The following SPAG6 variants were observed in gnomAD, a reference collection of about 807,000 sequenced individuals.
SPAG6 encodes sperm associated antigen 6, also known as sperm-associated antigen 6.
Under a neutral mutation model 58.5 loss-of-function variants are expected in SPAG6, and 49 were observed. The observed-to-expected ratio is 0.84, with a 90% CI of 0.67 to 1.06. SPAG6 has a LOEUF of 1.06. Among genes scored for constraint, SPAG6 ranks in the 50% least tolerant of loss-of-function variants. SPAG6 has a pLI of 0.00. For synonymous variants in SPAG6, 233 were observed against 225.6 expected (o/e 1.03, Z -0.29); for missense variants, 560 against 611.3 (o/e 0.92, Z 0.89).
At position 22,387,948 on chromosome 10, in the gene SPAG6, G is replaced by A; in HGVS notation, c.804G>A (p.Lys268=). 1 of 1,611,758 alleles carries A rather than the reference G, an allele frequency of 6.2e-7. No homozygotes were observed. Among genetic ancestry groups the A allele is most frequent in the Admixed American group, 1.7e-5 (1 of 59,668 alleles). ...TCLKDKDEYV[K]KNASTLIREI... is the part of the protein sequence containing the mutation. ...TGAAGGACAAGGATGAATACGTGAA[G>A]AAAAATGCTTCTACTTTAATTAGAG... Residue 268 remains lysine (K), a synonymous_variant, in exon 6 of 11, where the codon AAG becomes AAA. Transcript: ENST00000376624.
chr10:22,359,601 A>G (rs868136800), intron 2 of SPAG6, among the ~76,000 whole-genome samples: 2 of 152,152 alleles, frequency 1.3e-5, no homozygotes, highest in Admixed American at 6.5e-5. Context: ...AGTTCTGGAC[A>G]TGGATAGTGG....
chr10:22,411,984 T>G (rs1048100100), intron 10 of SPAG6, among the ~76,000 whole-genome samples: 33 of 151,700 alleles, frequency 2.2e-4, no homozygotes, highest in Admixed American at 1.4e-3. Flanking sequence ...GAGTAGCTGG[T>G]ACTACAGACG....
At chr10:22,365,448 AG>A (rs1837170260) in intron 3 of SPAG6, among the ~76,000 whole-genome samples, 1 of 152,196 alleles carries the variant, frequency 6.6e-6, no homozygotes, top group Non-Finnish European at 1.5e-5. Context: ...GAAGAGAATA[AG>A]TATGTGTAAT....
chr10:22,387,187 T>C (rs1834085238), intron 5 of SPAG6, among the ~76,000 whole-genome samples: 1 of 152,196 alleles, frequency 6.6e-6, no homozygotes, highest in African/African-American at 2.4e-5. Context: ...AACAACAGTG[T>C]TAACATTAAT....
intron 5 of SPAG6, 29 bp downstream of exon 5, chr10:22,386,988 T>C (rs1346251515): frequency 2.0e-6 from 3 of 1,535,942 alleles, no homozygotes; most frequent in East Asian, 2.2e-5. Flanking sequence ...GAAAAATACA[T>C]CAGCCTTCTT....
intron 8 of SPAG6, among the ~76,000 whole-genome samples, chr10:22,395,113 G>A (rs909682794): frequency 2.6e-5 from 4 of 152,128 alleles, no homozygotes; most frequent in African/African-American, 9.7e-5. Context: ...ATATTCTATT[G>A]TATTAATATG....
intron 2 of SPAG6, among the ~76,000 whole-genome samples, chr10:22,358,182 C>G (rs768576562): frequency 1.3e-5 from 2 of 152,144 alleles, no homozygotes; most frequent in African/African-American, 4.8e-5. Flanking sequence ...AATGGTTGAA[C>G]TAGTTTACAG....
intron 4 of SPAG6, among the ~76,000 whole-genome samples, chr10:22,381,333 A>T (rs1038275610): frequency 6.9e-6 from 1 of 145,762 alleles, no homozygotes; most frequent in African/African-American, 2.5e-5. Context: ...CAGTGTTCTT[A>T]AAAAAAAAAA....
At chr10:22,395,299 T>TTTAA (rs1381637998) in intron 8 of SPAG6, among the ~76,000 whole-genome samples, 2 of 152,210 alleles carry the variant, frequency 1.3e-5, no homozygotes, top group Non-Finnish European at 2.9e-5. Flanking sequence ...GATAACTCTG[T>TTTAA]TTAACATCTC....
intron 8 of SPAG6, among the ~76,000 whole-genome samples, chr10:22,396,172 G>A (rs957441217): frequency 6.6e-6 from 1 of 152,176 alleles, no homozygotes; most frequent in East Asian, 1.9e-4. Context: ...CTCTGATATA[G>A]TTTGGCTCTG....
chr10:22,367,112 T>G (rs1431643892), intron 3 of SPAG6, among the ~76,000 whole-genome samples: 1 of 151,540 alleles, frequency 6.6e-6, no homozygotes, highest in Non-Finnish European at 1.5e-5. Flanking sequence ...GATCAGAAAG[T>G]GTTAGTTATA....
chr10:22,355,258 A>T (rs890519624), intron 2 of SPAG6, among the ~76,000 whole-genome samples: 2 of 152,192 alleles, frequency 1.3e-5, no homozygotes, highest in Non-Finnish European at 2.9e-5. Context: ...TTGGATTGTA[A>T]TGAGGGTTAC....
At chr10:22,395,059 G>A (rs1834265229) in intron 8 of SPAG6, among the ~76,000 whole-genome samples, 1 of 152,044 alleles carries the variant, frequency 6.6e-6, no homozygotes, top group South Asian at 2.1e-4. Context: ...GTTCGTCCAT[G>A]TTGTGGCATA....
intron 4 of SPAG6, among the ~76,000 whole-genome samples, chr10:22,374,454 CTATACA>C (rs1236927959): frequency 6.6e-6 from 1 of 151,924 alleles, no homozygotes; most frequent in African/African-American, 2.4e-5. Flanking sequence ...CATTGAGTGA[CTATACA>C]TTAGAGTAAA....
At chr10:22,385,973 A>T (rs1286566979) in intron 4 of SPAG6, among the ~76,000 whole-genome samples, 3 of 152,188 alleles carry the variant, frequency 2.0e-5, no homozygotes, top group Non-Finnish European at 4.4e-5. Flanking sequence ...CAGTTTTTTC[A>T]TGATATTATA....
At chr10:22,372,282 G>A (rs1833716856) in intron 4 of SPAG6, among the ~76,000 whole-genome samples, 1 of 152,176 alleles carries the variant, frequency 6.6e-6, no homozygotes, top group Admixed American at 6.5e-5. Flanking sequence ...CACAAGTGCA[G>A]TTTTGTACAT....
In SPAG6 at chr10:22,401,105, T is replaced by C. The variant is rs1588556581; in HGVS notation, c.1198-56T>C. ...TTCCAGGAATGTCAGATTTGAATTC[T>C]TGTCAAGGTTTCATTGATTACTTAC... On this transcript the variant is annotated intron_variant, in intron 8 of 10. Transcript: ENST00000376624. 46 of 788,020 alleles carry C rather than the reference T, an allele frequency of 5.8e-5. No homozygotes were observed. In the East Asian group the frequency reaches 1.2e-3, roughly 20 times the overall value. The allele number at this position is 788,020 out of a possible 1,614,324, so 48.8% of individuals were successfully genotyped here. A position where few individuals can be genotyped will look rare whatever the true frequency, so the allele number is the denominator to read the frequency against.
chr10:22,350,177 A>G (rs1836679214), intron 2 of SPAG6, among the ~76,000 whole-genome samples: 1 of 152,074 alleles, frequency 6.6e-6, no homozygotes, highest in Admixed American at 6.5e-5. Flanking sequence ...CAAAACACTG[A>G]CTTCTTCTTA....
At chr10:22,400,798 A>G (rs938012631) in intron 8 of SPAG6, among the ~76,000 whole-genome samples, 9 of 152,172 alleles carry the variant, frequency 5.9e-5, no homozygotes, top group African/African-American at 1.9e-4. Flanking sequence ...GTTGATAAGT[A>G]GAAATGGGAT....
Sources: allele counts gnomAD v4.1 joint callset (sites outside exome capture counted in the v4.1 genomes callset), GRCh38; gene constraint gnomAD v4.1.1; transcripts MANE v1.5; gene names NCBI Gene and HGNC (gene_info 2026-07-23, HGNC 2026-07-21).